The following WSCD1 variants were observed in gnomAD, a reference collection of about 807,000 sequenced individuals.
WSCD1 encodes the protein sialate:O-sulfotransferase 1.
Under a neutral mutation model 60.4 loss-of-function variants are expected in WSCD1, and 41 were observed. The observed-to-expected ratio is 0.68, with a 90% CI of 0.53 to 0.88. The LOEUF is 0.88. Ranked by LOEUF, WSCD1 falls within the 40% of genes least tolerant of loss-of-function variation. The pLI, the probability that WSCD1 is intolerant of heterozygous loss-of-function variation, is 0.00. For missense variants in WSCD1, 784 were observed against 796.2 expected, an observed-to-expected ratio of 0.98 and a Z score of 0.18; for synonymous variants, 361 against 332.5, an observed-to-expected ratio of 1.09 and a Z score of -0.93.
At chr17:6,099,915 C>A (rs1341757174) in intron 5 of WSCD1, among the ~76,000 whole-genome samples, 1 of 152,138 alleles carries the variant, frequency 6.6e-6, no homozygotes, top group African/African-American at 2.4e-5. Flanking sequence ...CTTAAAATCA[C>A]CCCACATGTG....
At position 6,099,713 on chromosome 17, in the gene WSCD1, A is replaced by C. The variant is rs536044316; in HGVS notation, c.849+4490A>C. Among the ~76,000 whole-genome samples the C allele has an allele frequency of 2.6e-5, 4 of 151,968 alleles. No homozygotes were observed. In the East Asian group the frequency reaches 7.8e-4, roughly 30 times the overall value. ...GTTTTTCAAGGGCTACGTAAATGACACACCTGGTCAAACCAATCCCCTGGG... is the reference window on the plus strand; with the variant it reads ...GTTTTTCAAGGGCTACGTAAATGACCCACCTGGTCAAACCAATCCCCTGGG... On this transcript the variant is annotated intron_variant, in intron 5 of 8. Transcript: ENST00000317744.
upstream of WSCD1, chr17:6,069,392 T>A: frequency 8.8e-6 from 2 of 227,018 alleles, no homozygotes; most frequent in Non-Finnish European, 1.5e-5. Context: ...CCTCGGTGCG[T>A]GTGTGTGTGT....
At chr17:6,114,153 T>A (rs1444802839) in intron 7 of WSCD1, among the ~76,000 whole-genome samples, 92 of 125,138 alleles carry the variant, frequency 7.4e-4, no homozygotes, top group Admixed American at 1.3e-3. Flanking sequence ...TAGTTAGCCG[T>A]AAAAAAAAAA....
chr17:6,091,842 T>C (rs1440007995), intron 4 of WSCD1, among the ~76,000 whole-genome samples: 1 of 152,062 alleles, frequency 6.6e-6, no homozygotes, highest in African/African-American at 2.4e-5. Flanking sequence ...AGTTCAAGAA[T>C]GGGGCAGAGC....
intron 4 of WSCD1, among the ~76,000 whole-genome samples, chr17:6,093,763 C>A: frequency 6.6e-6 from 1 of 152,158 alleles, no homozygotes; most frequent in Non-Finnish European, 1.5e-5. Flanking sequence ...CTAGGAACTA[C>A]GCTGTATGTA....
At chr17:6,093,393 GTA>G (rs1910183225) in intron 4 of WSCD1, among the ~76,000 whole-genome samples, 1 of 152,234 alleles carries the variant, frequency 6.6e-6, no homozygotes, top group South Asian at 2.1e-4. Context: ...CACCCAGGAT[GTA>G]GCTTCCCCCC....
Position 6,109,646 on chromosome 17 carries a change from T to C in WSCD1, c.889T>C (p.Cys297Arg). Residue 297 changes from cysteine to arginine, a missense_variant, in exon 6 of 9, where the codon TGT becomes CGT. Physicochemically the swap from Cys to Arg is radical, Grantham distance 180 (BLOSUM62 -3). Coordinates refer to ENST00000317744, the MANE Select transcript of WSCD1 (RefSeq NM_015253.2). ...LAILRGWECY[C>R]AYPTPRFNLR... ...CATTCTCAGGGGCTGGGAATGCTAC[T>C]GTGCTTACCCTACCCCCCGGTTCAA... The C allele has an allele frequency of 6.2e-7, 1 of 1,614,162 alleles. No homozygotes were observed. The highest frequency in any genetic ancestry group is 8.5e-7 in the Non-Finnish European group (1 of 1,180,016).
intron 4 of WSCD1, among the ~76,000 whole-genome samples, chr17:6,093,734 A>G (rs1245399246): frequency 1.3e-5 from 2 of 152,166 alleles, no homozygotes; most frequent in African/African-American, 4.8e-5. Context: ...GTGGGTATAC[A>G]TTGTTCCTCA....
At chr17:6,095,277 C>T in intron 5 of WSCD1, 54 bp downstream of exon 5, 1 of 1,562,540 alleles carries the variant, frequency 6.4e-7, no homozygotes, top group Non-Finnish European at 8.7e-7. Context: ...TGTGGTGGTC[C>T]TGAGAGAGGG....
intron 5 of WSCD1, among the ~76,000 whole-genome samples, chr17:6,107,041 C>G (rs562567836): frequency 6.6e-6 from 1 of 152,276 alleles, no homozygotes; most frequent in East Asian, 1.9e-4. Context: ...AGCTGAAAGT[C>G]TGAGATCAAG....
chr17:6,114,721 T>C (rs555141850), intron 7 of WSCD1, among the ~76,000 whole-genome samples: 64 of 152,220 alleles, frequency 4.2e-4, no homozygotes, highest in African/African-American at 1.4e-3. Flanking sequence ...ATGTGCAGAA[T>C]GTGCAGGTTT....
chr17:6,086,265 A>T (rs138481391), intron 2 of WSCD1, among the ~76,000 whole-genome samples: 1 of 135,232 alleles, frequency 7.4e-6, no homozygotes, highest in Non-Finnish European at 1.6e-5. Flanking sequence ...ATATATATAT[A>T]TATATATATA....
intron 2 of WSCD1, among the ~76,000 whole-genome samples, chr17:6,084,419 G>A (rs1461686609): frequency 6.6e-6 from 1 of 152,224 alleles, no homozygotes; most frequent in African/African-American, 2.4e-5. Flanking sequence ...AGAGTAGCCT[G>A]CAGCCCAGCC....
chr17:6,088,064 A>G lies in WSCD1; in HGVS notation c.502A>G (p.Lys168Glu). The G allele has an allele frequency of 1.2e-6, 2 of 1,614,196 alleles. No homozygotes were observed. The highest frequency in any genetic ancestry group is 1.7e-6 in the Non-Finnish European group (2 of 1,180,036). The change falls in exon 3 of 9, where the codon AAG (lysine) becomes GAG (glutamate). Residue 168 changes from lysine to glutamate, a missense_variant. Lys to Glu is a moderately conservative substitution (Grantham distance 56). Coordinates refer to ENST00000317744, the MANE Select transcript of WSCD1 (RefSeq NM_015253.2). ...LKGAVFYDLR[K>E]MTVSHCQDAC... ...AGGAGCTGTGTTTTATGACTTGAGA[A>G]AGATGACTGTCTCCCACTGCCAGGA...
chr17:6,081,414 G>A (rs1909264631), intron 2 of WSCD1, among the ~76,000 whole-genome samples: 1 of 151,906 alleles, frequency 6.6e-6, no homozygotes, highest in South Asian at 2.1e-4. Flanking sequence ...AAGTTTCATT[G>A]AATATATGAA....
chr17:6,117,921 C>T, intron 7 of WSCD1, 67 bp from the exon 8 acceptor site: 1 of 1,533,122 alleles, frequency 6.5e-7, no homozygotes, highest in Non-Finnish European at 9.0e-7. Flanking sequence ...CCCAATCTGT[C>T]TGCTGCTATG....
chr17:6,102,704 T>C (rs1027696323), intron 5 of WSCD1, among the ~76,000 whole-genome samples: 1 of 152,230 alleles, frequency 6.6e-6, no homozygotes, highest in African/African-American at 2.4e-5. Context: ...TCATTCCTTC[T>C]CACATTTGTT....
chr17:6,081,121 A>G lies in WSCD1; in HGVS notation c.427+36A>G, dbSNP rs1477297405. 5 of 1,506,796 alleles carry G rather than the reference A, an allele frequency of 3.3e-6. No individual in the cohort carries two copies. The Admixed American group carries it at 8.8e-5, about 27-fold the overall frequency. The allele number at this position is 1,506,796 out of a possible 1,614,324, so 93.3% of individuals were successfully genotyped here. ...AGCTGCATTTGGGGGAGCTGTTCCC[A>G]GGACCCCCCATTCAGGGTCACAGGT... On this transcript the variant is annotated intron_variant, in intron 2 of 8. Transcript: ENST00000317744.
At position 6,080,120 on chromosome 17, in the gene WSCD1, T is replaced by G. The variant is rs1384857741; in HGVS notation, c.-288-251T>G. 1 of 156,544 alleles carries G rather than the reference T, an allele frequency of 6.4e-6. No individual in the cohort carries two copies. The highest frequency in any genetic ancestry group is 2.4e-5 in the African/African-American group (1 of 41,472). 9.7% of individuals were successfully genotyped at this position (156,544 alleles called of 1,614,324 possible). On this transcript the variant is annotated intron_variant, in intron 1 of 8. Transcript: ENST00000317744. The surrounding 1 kb of genome is among the most constrained non-coding windows in gnomAD (Gnocchi z 6.6). ...GCTGTCATCACTGACTCCTCATTAT[T>G]CCTCAAGGGGAGAGCTGTTGTCCCC... is the stretch of plus-strand genomic sequence containing the variant.
Sources: allele counts gnomAD v4.1 joint callset (sites outside exome capture counted in the v4.1 genomes callset), GRCh38; gene constraint gnomAD v4.1.1; non-coding constraint Gnocchi (gnomAD v3.1); transcripts MANE v1.5; gene names NCBI Gene and HGNC (gene_info 2026-07-23, HGNC 2026-07-21).